Variants in NSD2 observed in about 807,000 individuals in gnomAD.
NSD2 encodes the protein histone-lysine N-methyltransferase NSD2.
A neutral mutation model predicts 139.0 loss-of-function variants in NSD2; 12 were observed. The observed-to-expected ratio is 0.09, with a 90% CI of 0.06 to 0.14. The LOEUF is 0.14. Ranked by LOEUF, NSD2 falls within the 10% of genes least tolerant of loss-of-function variation. The probability of loss-of-function intolerance (pLI) is 1.00; values close to 1 mark genes in which losing one functional copy is unlikely to be tolerated. For synonymous variants in NSD2, 669 were observed against 648.7 expected (o/e 1.03, Z -0.48); for missense variants, 1,155 against 1,745.0 (o/e 0.66, Z 6.02).
rs1717097471 is a variant in NSD2, at chr4:1,901,030, C to G, written c.376C>G (p.Leu126Val). 2 of 1,614,076 alleles carry G rather than the reference C, an allele frequency of 1.2e-6. No homozygotes were observed. The highest frequency in any genetic ancestry group is 1.7e-6 in the Non-Finnish European group (2 of 1,180,046). Residue 126 changes from leucine (L) to valine (V), a missense_variant, in exon 2 of 22, where the codon CTG becomes GTG. By Grantham distance (32) the Leu-to-Val change is conservative. Around this residue, in one of 8 missense-constraint regions of NSD2, gnomAD observed 246 missense variants for 262.8 expected, o/e 0.94. Coordinates refer to ENST00000508803, the MANE Select transcript of NSD2 (RefSeq NM_001042424.3). ...PIKNGSPEIK[L>V]KITKTYMNGK... The stretch of plus-strand genomic sequence containing the variant: ...CAAAAATGGCTCTCCAGAAATTAAG[C>G]TGAAAATCACCAAAACATACATGAA...
intron 10 of NSD2, 80 bp downstream of exon 10, chr4:1,951,283 T>A: frequency 6.3e-7 from 1 of 1,579,772 alleles, no homozygotes; most frequent in Non-Finnish European, 8.6e-7. Flanking sequence ...TTGTAGTGTC[T>A]TTTCCCTTCC....
At chr4:1,927,743 AAAAAAAG>A (rs1417016081) in intron 5 of NSD2, among the ~76,000 whole-genome samples, 38 of 147,558 alleles carry the variant, frequency 2.6e-4, no homozygotes, top group African/African-American at 9.7e-4. Context: ...AAAAAAAAAA[AAAAAAAG>A]CCGTGTAGGG....
At chr4:1,944,778 G>C in intron 9 of NSD2, 1 of 1,064,422 alleles carries the variant, frequency 9.4e-7, no homozygotes, top group Non-Finnish European at 1.1e-6. Context: ...ACCTGCTCTA[G>C]ATGGATCTTT....
intron 9 of NSD2, chr4:1,945,085 G>T: frequency 9.4e-7 from 1 of 1,066,616 alleles, no homozygotes; most frequent in Non-Finnish European, 1.1e-6. Flanking sequence ...TGCTTCTTGA[G>T]TGGGTGGAGT....
At chr4:1,903,169 C>G (rs1045472743) in intron 2 of NSD2, among the ~76,000 whole-genome samples, 1 of 152,184 alleles carries the variant, frequency 6.6e-6, no homozygotes, top group African/African-American at 2.4e-5. Context: ...CCGGCCTCTT[C>G]AGCTTACAGG....
chr4:1,980,495 G>C lies in NSD2; in HGVS notation c.*1586G>C. ...AACTCCCCTTGAAAACTGCTGCTGA[G>C]GCTCCTGTTAAATTTTCTGTGGCAT... On this transcript the variant is annotated 3_prime_UTR_variant, in exon 22 of 22. Transcript: ENST00000508803. 4.3e-6 allele frequency: 1 copy of C among 233,242 alleles called. No individual in the cohort carries two copies. Among genetic ancestry groups the C allele is most frequent in the Middle Eastern group, 1.3e-3 (1 of 786 alleles). 14.4% of individuals were successfully genotyped at this position (233,242 alleles called of 1,614,324 possible). A position where few individuals can be genotyped will look rare whatever the true frequency, so the allele number is the denominator to read the frequency against.
intron 1 of NSD2, chr4:1,892,052 A>G (rs917842832): frequency 6.6e-6 from 1 of 151,998 alleles, no homozygotes; most frequent in African/African-American, 2.4e-5. Flanking sequence ...GAATATTAGC[A>G]CCTCAAGAAT....
chr4:1,969,390 CAATG>C (rs1462866685), intron 18 of NSD2, among the ~76,000 whole-genome samples: 1 of 152,132 alleles, frequency 6.6e-6, no homozygotes, highest in African/African-American at 2.4e-5. Flanking sequence ...CTTCAGAAAA[CAATG>C]AAAAGGTTAT....
Position 1,973,001 on chromosome 4 carries a change from C to T in NSD2, c.3373-1862C>T, listed in dbSNP as rs1726658634. Among the ~76,000 whole-genome samples, 1 of 152,112 alleles carries T rather than the reference C, an allele frequency of 6.6e-6. No homozygotes were observed. The highest frequency in any genetic ancestry group is 2.4e-5 in the African/African-American group (1 of 41,416). On this transcript the variant is annotated intron_variant, in intron 18 of 21. Transcript: ENST00000508803. This position sits in a 1 kb window ranked among gnomAD's most constrained non-coding sequence, Gnocchi z 5.5. ...CCGAGTAACTGGGATTACCGGTGCC[C>T]ACCACCATAGCTGGATAATTTTTTG...
At chr4:1,904,527 T>C in intron 3 of NSD2, 149 bp downstream of exon 3, 1 of 805,192 alleles carries the variant, frequency 1.2e-6, no homozygotes, top group Non-Finnish European at 1.9e-6. Context: ...TCAAGTGTGA[T>C]GTGTTGCCAT....
intron 3 of NSD2, among the ~76,000 whole-genome samples, chr4:1,908,309 AGAAG>A (rs1385049719): frequency 1.3e-5 from 2 of 152,238 alleles, no homozygotes; most frequent in East Asian, 3.8e-4. Flanking sequence ...TGTGTACAGA[AGAAG>A]GGAGTGTCCT....
rs561368504 is a variant in NSD2, at chr4:1,944,827, T to G, written c.1881+5049T>G. 8.5e-6 allele frequency: 9 copies of G among 1,063,478 alleles called. No individual in the cohort carries two copies. The East Asian group carries it at 4.6e-4, about 54-fold the overall frequency. The allele number at this position is 1,063,478 out of a possible 1,614,324, so 65.9% of individuals were successfully genotyped here. A position where few individuals can be genotyped will look rare whatever the true frequency, so the allele number is the denominator to read the frequency against. ...GTGTTCATGCAAAAATTAAATGTCT[T>G]TTTTCAGCATACTGACTCCAGGTGT... is the stretch of plus-strand genomic sequence containing the variant. On this transcript the variant is annotated intron_variant, in intron 9 of 21. Transcript: ENST00000508803.
Position 1,956,777 on chromosome 4 carries a change from G to A in NSD2, c.2881+589G>A, listed in dbSNP as rs1724847943. Among the ~76,000 whole-genome samples, 1 of 152,254 alleles carries A rather than the reference G, an allele frequency of 6.6e-6. No individual in the cohort carries two copies. Among genetic ancestry groups the A allele is most frequent in the Non-Finnish European group, 1.5e-5 (1 of 68,044 alleles). Reference sequence around the variant, plus strand: ...GAGGCCAGTAGAGAAAACCCGAGGTGTGTGCATGTGGCTCGTTCAGGGAGA... The same window carrying A: ...GAGGCCAGTAGAGAAAACCCGAGGTATGTGCATGTGGCTCGTTCAGGGAGA... On this transcript the variant is annotated intron_variant, in intron 15 of 21. Coordinates refer to ENST00000508803, the MANE Select transcript of NSD2 (RefSeq NM_001042424.3). The surrounding 1 kb of genome is among the most constrained non-coding windows in gnomAD (Gnocchi z 5.3).
chr4:1,945,925 C>T, intron 9 of NSD2: 2 of 1,057,590 alleles, frequency 1.9e-6, no homozygotes, highest in Non-Finnish European at 2.3e-6. Context: ...TCTCTAACAT[C>T]TAGCCCTTTT....
At chr4:1,935,885 C>G (rs562477311) in intron 7 of NSD2, among the ~76,000 whole-genome samples, 30 of 152,066 alleles carry the variant, frequency 2.0e-4, no homozygotes, top group African/African-American at 7.0e-4. Flanking sequence ...AAAAAAACCC[C>G]CAAACACCAT....
chr4:1,947,263 G>A, intron 9 of NSD2: 1 of 1,063,374 alleles, frequency 9.4e-7, no homozygotes. Flanking sequence ...CTTTGACAAG[G>A]GCAGGCCTTG....
At chr4:1,909,063 C>T (rs1054776838) in intron 3 of NSD2, among the ~76,000 whole-genome samples, 5 of 151,608 alleles carry the variant, frequency 3.3e-5, no homozygotes, top group African/African-American at 1.2e-4. Flanking sequence ...AAATGAGCTC[C>T]TCCCTAAAAA....
chr4:1,922,018 C>T (rs114315137), intron 5 of NSD2, among the ~76,000 whole-genome samples: 4,745 of 151,746 alleles, frequency 0.031, 240 homozygotes, highest in African/African-American at 0.11. Context: ...CGTGGTGATG[C>T]GCGCTTGTAA....
chr4:1,940,905 G>C (rs765152112), intron 9 of NSD2: 2 of 1,057,148 alleles, frequency 1.9e-6, no homozygotes, highest in African/African-American at 3.3e-5. Flanking sequence ...AATCCTCAGC[G>C]ACCACTCCTC....
Sources: allele counts gnomAD v4.1 joint callset (sites outside exome capture counted in the v4.1 genomes callset), GRCh38; gene constraint gnomAD v4.1.1; regional missense constraint gnomAD v4.1.1; non-coding constraint Gnocchi (gnomAD v3.1); transcripts MANE v1.5; gene names NCBI Gene and HGNC (gene_info 2026-07-23, HGNC 2026-07-21).